Variants in DTNA observed in about 807,000 individuals in gnomAD.
DTNA encodes dystrobrevin alpha, also known as dystrophin-related protein 3.
A neutral mutation model predicts 100.7 loss-of-function variants in DTNA; 43 were observed. That is an observed-to-expected ratio of 0.43 (90% CI 0.33 to 0.55). The LOEUF (loss-of-function observed/expected upper bound fraction) is 0.55, where lower values mean the gene tolerates loss of function less well. Ranked by LOEUF, DTNA falls within the 20% of genes least tolerant of loss-of-function variation. The pLI is 0.04. For missense variants in DTNA, 798 were observed against 953.9 expected (o/e 0.84, Z 2.15); for synonymous variants, 349 against 347.9 (o/e 1.00, Z -0.04).
At chr18:34,707,568 C>G (rs1341861719), upstream of DTNA, among the ~76,000 whole-genome samples, 1 of 151,964 alleles carries the variant, frequency 6.6e-6, no homozygotes, top group Non-Finnish European at 1.5e-5. Flanking sequence ...TGTACCTTAA[C>G]TAGATAAATG....
At chr18:34,632,426 G>C (rs2148139439) in intron 1 of DTNA, among the ~76,000 whole-genome samples, 1 of 152,250 alleles carries the variant, frequency 6.6e-6, no homozygotes, top group Non-Finnish European at 1.5e-5. Context: ...TTTGTTGTAG[G>C]TTTCTATATA....
At chr18:34,773,896 T>G (rs546524184) in intron 3 of DTNA, among the ~76,000 whole-genome samples, 18 of 152,304 alleles carry the variant, frequency 1.2e-4, no homozygotes, top group Non-Finnish European at 5.9e-5. Context: ...AAAATCAGGG[T>G]TTTGTTTCCT....
chr18:34,762,955 C>T (rs1171715533), intron 2 of DTNA, among the ~76,000 whole-genome samples: 1 of 152,130 alleles, frequency 6.6e-6, no homozygotes, highest in Non-Finnish European at 1.5e-5. Flanking sequence ...TGGAGAAGTG[C>T]ACCTTTGCCG....
intron 1 of DTNA, among the ~76,000 whole-genome samples, chr18:34,658,899 C>T (rs371488559): frequency 1.3e-5 from 2 of 152,224 alleles, no homozygotes; most frequent in African/African-American, 2.4e-5. Context: ...ATGGCTAACA[C>T]TCTTTCTCCA....
At chr18:34,799,131 A>T (rs573790861) in intron 4 of DTNA, among the ~76,000 whole-genome samples, 5 of 152,256 alleles carry the variant, frequency 3.3e-5, no homozygotes, top group Admixed American at 3.3e-4. Flanking sequence ...CATGTTTTAC[A>T]TTGTAGCATT....
chr18:34,529,483 C>T (rs1162183143), intron 1 of DTNA, among the ~76,000 whole-genome samples: 1 of 152,016 alleles, frequency 6.6e-6, no homozygotes, highest in Admixed American at 6.6e-5. Flanking sequence ...AGATTTGCCT[C>T]AAGATTTCCA....
intron 3 of DTNA, among the ~76,000 whole-genome samples, chr18:34,772,132 C>A (rs961735091): frequency 6.6e-6 from 1 of 152,124 alleles, no homozygotes; most frequent in African/African-American, 2.4e-5. Flanking sequence ...TAACATTGCA[C>A]CATCTTTTAG....
At position 34,745,566 on chromosome 18, in the gene DTNA, T is replaced by A. The variant is rs575518611; in HGVS notation, c.-1-10410T>A. Among the ~76,000 whole-genome samples the A allele has an allele frequency of 3.9e-5, 6 of 152,328 alleles. No homozygotes were observed. The South Asian group carries it at 1.2e-3, about 32-fold the overall frequency. On this transcript the variant is annotated intron_variant, in intron 1 of 22. Transcript: ENST00000444659. ...TTCTGCCTGACCATGATTATTGGGT[T>A]GTGTATCCAGGTATTCTGGTTCCTA...
intron 4 of DTNA, among the ~76,000 whole-genome samples, chr18:34,805,365 C>T (rs904436723): frequency 2.0e-5 from 3 of 152,056 alleles, no homozygotes; most frequent in African/African-American, 7.2e-5. Context: ...CCCTCTGTCG[C>T]CCAGGCTGGA....
At chr18:34,886,798 C>A (rs756443364) in intron 22 of DTNA, among the ~76,000 whole-genome samples, 79 of 152,346 alleles carry the variant, frequency 5.2e-4, no homozygotes, top group Non-Finnish European at 1.1e-3. Context: ...GCCACATAGG[C>A]AAATTCATTT....
At chr18:34,884,833 C>A in intron 22 of DTNA, 57 bp downstream of exon 22, 4 of 1,567,904 alleles carry the variant, frequency 2.6e-6, no homozygotes, top group Non-Finnish European at 3.5e-6. Context: ...ATTCTGATAA[C>A]CTGTAATGCG....
chr18:34,875,056 A>G (rs1346191209), intron 17 of DTNA, among the ~76,000 whole-genome samples, 183 bp from the exon 18 acceptor site: 1 of 152,248 alleles, frequency 6.6e-6, no homozygotes, highest in Non-Finnish European at 1.5e-5. Context: ...CAGATTACAT[A>G]CAATAAGGTC....
chr18:34,547,765 T>C (rs934424280), intron 1 of DTNA, among the ~76,000 whole-genome samples: 7 of 152,136 alleles, frequency 4.6e-5, no homozygotes, highest in African/African-American at 1.7e-4. Flanking sequence ...GACATACGAC[T>C]GAGCTTAAAT....
intron 17 of DTNA, among the ~76,000 whole-genome samples, chr18:34,872,224 A>C (rs995052916): frequency 6.6e-6 from 1 of 152,148 alleles, no homozygotes; most frequent in Non-Finnish European, 1.5e-5. Flanking sequence ...GACCCACAGG[A>C]ATTAGCAGAA....
chr18:34,883,867 A>G (rs890058122), intron 21 of DTNA, among the ~76,000 whole-genome samples: 3 of 152,210 alleles, frequency 2.0e-5, no homozygotes, highest in Non-Finnish European at 4.4e-5. Context: ...AGCAACTAAA[A>G]TGTTGGTCTA....
Position 34,823,323 on chromosome 18 carries a change from T to C in DTNA, c.1001+2408T>C, listed in dbSNP as rs2095773034. ...TGAATATTCACACTTCTTCCAAATG[T>C]ATGTAAATAAGATTTTGATAAATTA... On this transcript the variant is annotated intron_variant, in intron 9 of 22. Transcript: ENST00000444659. 4.6e-5 allele frequency among the ~76,000 whole-genome samples: 7 copies of C among 152,328 alleles called. No homozygotes were observed. In the South Asian group the frequency reaches 1.4e-3, roughly 32 times the overall value.
chr18:34,558,503 ATAC>A (rs1447298626), intron 1 of DTNA, among the ~76,000 whole-genome samples: 2 of 152,212 alleles, frequency 1.3e-5, no homozygotes, highest in African/African-American at 4.8e-5. Context: ...ATAAACAAAA[ATAC>A]GTTACTGCCC....
At chr18:34,641,112 T>G (rs2059230212) in intron 1 of DTNA, among the ~76,000 whole-genome samples, 1 of 152,140 alleles carries the variant, frequency 6.6e-6, no homozygotes, top group African/African-American at 2.4e-5. Context: ...TCTAGAATAT[T>G]TCTAGAACAG....
At chr18:34,767,101 A>T (rs1338363591) in intron 3 of DTNA, among the ~76,000 whole-genome samples, 2 of 152,302 alleles carry the variant, frequency 1.3e-5, no homozygotes, top group African/African-American at 2.4e-5. Flanking sequence ...TTTACTTATT[A>T]AAAAAGTCTC....
Sources: allele counts gnomAD v4.1 joint callset (sites outside exome capture counted in the v4.1 genomes callset), GRCh38; gene constraint gnomAD v4.1.1; transcripts MANE v1.5; gene names NCBI Gene and HGNC (gene_info 2026-07-23, HGNC 2026-07-21).